The following GLIS3 variants were observed in gnomAD, a reference collection of about 807,000 sequenced individuals.
The protein encoded by GLIS3 is GLIS family zinc finger 3, also known as zinc finger protein GLIS3.
Under a neutral mutation model 78.6 loss-of-function variants are expected in GLIS3, and 53 were observed. The observed-to-expected ratio is 0.67, with a 90% CI of 0.54 to 0.85. The LOEUF (loss-of-function observed/expected upper bound fraction) is 0.85, where lower values mean the gene tolerates loss of function less well. Among genes scored for constraint, GLIS3 ranks in the 40% least tolerant of loss-of-function variants. The pLI, the probability that GLIS3 is intolerant of heterozygous loss-of-function variation, is 0.00. For missense variants in GLIS3, 1,703 were observed against 1,231.1 expected (o/e 1.38, Z -5.74); for synonymous variants, 684 against 509.9 (o/e 1.34, Z -4.60).
At chr9:3,907,362 T>C (rs1823780245) in intron 6 of GLIS3, among the ~76,000 whole-genome samples, 1 of 152,196 alleles carries the variant, frequency 6.6e-6, no homozygotes, top group Non-Finnish European at 1.5e-5. Context: ...TAAAGGAAGC[T>C]ACAATCTCCT....
chr9:4,478,820 G>C, the GLIS3 span, among the ~76,000 whole-genome samples: 54 of 152,318 alleles, frequency 3.5e-4, no homozygotes, highest in African/African-American at 9.9e-4. Context: ...ATCACCAATA[G>C]ATGCTAAAAC....
At chr9:4,369,852 G>A in the GLIS3 span, among the ~76,000 whole-genome samples, 2 of 152,148 alleles carry the variant, frequency 1.3e-5, no homozygotes, top group Admixed American at 6.5e-5. Context: ...TAAAAAGGAA[G>A]CATGCAATTG....
chr9:4,402,267 A>G, the GLIS3 span, among the ~76,000 whole-genome samples: 1 of 152,228 alleles, frequency 6.6e-6, no homozygotes, highest in Admixed American at 6.5e-5. Context: ...CCAAGGTGGT[A>G]CCTCTACAAA....
chr9:4,073,257 A>G (rs1043864557), intron 4 of GLIS3, among the ~76,000 whole-genome samples: 3 of 152,182 alleles, frequency 2.0e-5, no homozygotes, highest in Admixed American at 1.3e-4. Context: ...TGACGGCAAC[A>G]TTCATCTGAA....
intron 4 of GLIS3, among the ~76,000 whole-genome samples, chr9:4,084,181 C>G (rs574981892): frequency 1.3e-5 from 2 of 151,516 alleles, no homozygotes; most frequent in Admixed American, 1.3e-4. Context: ...AAAAAGACTA[C>G]GAAGCCCTCA....
intron 2 of GLIS3, among the ~76,000 whole-genome samples, chr9:4,249,165 G>C (rs919408340): frequency 1.3e-5 from 2 of 151,722 alleles, no homozygotes; most frequent in Admixed American, 6.6e-5. Flanking sequence ...ATTCTGTAAA[G>C]AAAATAGCTT....
chr9:4,059,686 C>T (rs1178719353), intron 4 of GLIS3, among the ~76,000 whole-genome samples: 1 of 152,062 alleles, frequency 6.6e-6, no homozygotes, highest in Non-Finnish European at 1.5e-5. Flanking sequence ...TTAAGTTGGG[C>T]TACTTTCTTC....
chr9:3,854,081 C>G (rs1343285829), intron 9 of GLIS3, among the ~76,000 whole-genome samples: 3 of 152,134 alleles, frequency 2.0e-5, no homozygotes, highest in Non-Finnish European at 4.4e-5. Context: ...TTCACATAGC[C>G]CACACTCAGG....
the GLIS3 span, among the ~76,000 whole-genome samples, chr9:4,404,092 T>G: frequency 6.6e-6 from 1 of 151,864 alleles, no homozygotes; most frequent in African/African-American, 2.4e-5. Flanking sequence ...TGAGAAAAAA[T>G]AGATTTCAAG....
chr9:3,829,448 C>T lies in GLIS3; in HGVS notation c.2518G>A (p.Asp840Asn), dbSNP rs201704428. The part of the protein sequence containing the change: ...LQKFCPPHYP[D>N]SQRIVPPVSS... ...ACAGGCGGCACAATTCTCTGGGAAT[C>T]GGGGTAGTGTGGGGGACAGAACTTC... The change falls in exon 10 of 11, where the codon GAT becomes AAT. Residue 840 changes from aspartate (D) to asparagine (N), a missense_variant. Transcript: ENST00000381971. 135 of 1,614,114 alleles carry T rather than the reference C, an allele frequency of 8.4e-5. No individual in the cohort carries two copies. The highest frequency in any genetic ancestry group is 1.3e-4 in the East Asian group (6 of 44,880).
At chr9:4,490,086 G>A in the GLIS3 span, among the ~76,000 whole-genome samples, 1 of 152,236 alleles carries the variant, frequency 6.6e-6, no homozygotes, top group East Asian at 1.9e-4. Context: ...TGCAGGTGCC[G>A]GCGCTGGAAA....
intron 2 of GLIS3, among the ~76,000 whole-genome samples, chr9:4,335,920 C>G (rs1563937300): frequency 6.6e-6 from 1 of 152,156 alleles, no homozygotes; most frequent in Non-Finnish European, 1.5e-5. Context: ...CTATGACAAC[C>G]TAAGGTAAAA....
At chr9:4,078,984 A>T (rs1304713154) in intron 4 of GLIS3, among the ~76,000 whole-genome samples, 1 of 152,208 alleles carries the variant, frequency 6.6e-6, no homozygotes, top group East Asian at 1.9e-4. Context: ...TTTGGCTGAA[A>T]ATACAGCCTT....
chr9:4,377,078 G>A, the GLIS3 span, among the ~76,000 whole-genome samples: 3 of 134,832 alleles, frequency 2.2e-5, no homozygotes, highest in African/African-American at 7.8e-5. Flanking sequence ...GGTTTGTGAC[G>A]GTTAATATTA....
intron 2 of GLIS3, among the ~76,000 whole-genome samples, chr9:4,244,750 T>A (rs1003495437): frequency 2.6e-5 from 4 of 152,146 alleles, no homozygotes; most frequent in Non-Finnish European, 5.9e-5. Context: ...AATTTTTGTA[T>A]TTTTAGTAGA....
At chr9:4,211,619 G>A (rs1410756741) in intron 2 of GLIS3, among the ~76,000 whole-genome samples, 1 of 152,144 alleles carries the variant, frequency 6.6e-6, no homozygotes, top group Non-Finnish European at 1.5e-5. Context: ...CAGTTTGGTA[G>A]TTTCTTAAAA....
the GLIS3 span, among the ~76,000 whole-genome samples, chr9:4,364,050 T>A: frequency 2.0e-5 from 3 of 152,222 alleles, no homozygotes; most frequent in African/African-American, 7.2e-5. Context: ...TAGAGACTTA[T>A]CTAATAAATA....
intron 4 of GLIS3, among the ~76,000 whole-genome samples, chr9:4,105,150 T>C (rs937936212): frequency 6.6e-6 from 1 of 152,220 alleles, no homozygotes; most frequent in Non-Finnish European, 1.5e-5. Flanking sequence ...TTAAATTTCA[T>C]ATCATACCTA....
At chr9:4,416,333 C>G in the GLIS3 span, among the ~76,000 whole-genome samples, 1 of 149,568 alleles carries the variant, frequency 6.7e-6, no homozygotes, top group African/African-American at 2.5e-5. Flanking sequence ...GTTCCATCAC[C>G]TTTACAATTT....
Sources: gnomAD v4.1 joint callset for allele counts (sites outside exome capture counted in the v4.1 genomes callset) on GRCh38, gnomAD v4.1.1 for gene constraint, MANE v1.5 for transcripts, NCBI Gene and HGNC (gene_info 2026-07-23, HGNC 2026-07-21) for gene names.